The following PLA2G4A variants were observed in gnomAD, a reference collection of about 807,000 sequenced individuals.
PLA2G4A encodes phospholipase A2 group IVA.
In PLA2G4A, 40 loss-of-function variants were observed where a neutral mutation model predicts 81.9. The observed-to-expected ratio is 0.49, with a 90% confidence interval of 0.38 to 0.64. The LOEUF (loss-of-function observed/expected upper bound fraction) is 0.64. Ranked by LOEUF, PLA2G4A falls within the 30% of genes least tolerant of loss-of-function variation. The pLI is 0.00. For missense variants in PLA2G4A, 715 were observed against 905.1 expected (o/e 0.79, Z 2.69); for synonymous variants, 302 against 296.9 (o/e 1.02, Z -0.18).
At chr1:186,988,285 A>C in intron 17 of PLA2G4A, 92 bp from the exon 18 acceptor site, 1 of 987,356 alleles carries the variant, frequency 1.0e-6, no homozygotes, top group Non-Finnish European at 1.5e-6. Context: ...GAATACTCTA[A>C]TAAAAAGATT....
At chr1:186,839,965 C>CT (rs61704569) in intron 1 of PLA2G4A, among the ~76,000 whole-genome samples, 848 of 75,060 alleles carry the variant, frequency 0.011, 97 homozygotes, top group Non-Finnish European at 0.015. Flanking sequence ...TAATTGACTT[C>CT]TTTTTTTTTT....
intron 5 of PLA2G4A, among the ~76,000 whole-genome samples, chr1:186,897,298 C>A (rs1319404523): frequency 6.6e-6 from 1 of 151,980 alleles, no homozygotes; most frequent in Non-Finnish European, 1.5e-5. Context: ...CACTTGGAGT[C>A]GAAACTGGGA....
At chr1:186,917,306 A>G (rs1040196962) in intron 7 of PLA2G4A, among the ~76,000 whole-genome samples, 20 of 152,190 alleles carry the variant, frequency 1.3e-4, no homozygotes, top group Admixed American at 2.0e-4. Context: ...CTGTAATTCA[A>G]TTCACCTAAC....
intron 13 of PLA2G4A, 133 bp downstream of exon 13, chr1:186,950,861 G>A (rs969357): frequency 0.95 from 654,525 of 688,316 alleles, 311,414 homozygotes; most frequent in East Asian, 1. Context: ...GTAGCTTTCT[G>A]TTGAGAGAGA....
chr1:186,919,942 C>T (rs552492398), intron 7 of PLA2G4A, among the ~76,000 whole-genome samples: 1 of 152,240 alleles, frequency 6.6e-6, no homozygotes, highest in South Asian at 2.1e-4. Flanking sequence ...GGCTTTCAAG[C>T]ACCTGCGATG....
chr1:186,923,112 T>TGAG (rs1170988804), intron 7 of PLA2G4A, among the ~76,000 whole-genome samples: 6 of 152,206 alleles, frequency 3.9e-5, no homozygotes, highest in African/African-American at 1.4e-4. Context: ...TAAGACAATA[T>TGAG]GAGGAGTGGT....
chr1:186,876,209 T>C (rs1423979331), intron 3 of PLA2G4A, among the ~76,000 whole-genome samples: 13 of 152,174 alleles, frequency 8.5e-5, no homozygotes. Flanking sequence ...TATGAAAGTT[T>C]TTTTAACGGT....
chr1:186,866,283 T>C (rs534548908), intron 2 of PLA2G4A, among the ~76,000 whole-genome samples: 1 of 152,264 alleles, frequency 6.6e-6, no homozygotes, highest in East Asian at 1.9e-4. Flanking sequence ...TGAACATCTT[T>C]CTCCAAGAAT....
rs1278275888 is a variant in PLA2G4A at position 186,857,089 on chromosome 1, A to C, written c.33+2702A>C. 1.8e-3 allele frequency among the ~76,000 whole-genome samples: 17 copies of C among 9,316 alleles called. 2 individuals are homozygous for C. The highest frequency in any genetic ancestry group is 3.6e-3 in the African/African-American group (5 of 1,372). The allele number at this position is 9,316 out of a possible 152,430, so 6.1% of individuals were successfully genotyped here. A position where few individuals can be genotyped will look rare whatever the true frequency, so the allele number is the denominator to read the frequency against. On this transcript the variant is annotated intron_variant, in intron 2 of 17. Coordinates refer to ENST00000367466, the MANE Select transcript of PLA2G4A (RefSeq NM_024420.3). ...GCCCCCACATATATTATACATATAT[A>C]ATATATAATATAATTATATAATTAT... is the stretch of plus-strand genomic sequence containing the variant.
chr1:186,892,043 T>A (rs1654161866), intron 3 of PLA2G4A, among the ~76,000 whole-genome samples: 1 of 152,202 alleles, frequency 6.6e-6, no homozygotes. Flanking sequence ...TTATGATTAA[T>A]GATGTTCAGC....
At chr1:186,987,433 G>T (rs1211509907) in intron 17 of PLA2G4A, among the ~76,000 whole-genome samples, 2 of 152,254 alleles carry the variant, frequency 1.3e-5, no homozygotes, top group Non-Finnish European at 2.9e-5. Context: ...AGAATAAAAG[G>T]AATTGTGGAA....
chr1:186,833,122 A>G (rs1430748481), intron 1 of PLA2G4A, among the ~76,000 whole-genome samples: 2 of 152,150 alleles, frequency 1.3e-5, no homozygotes, highest in East Asian at 3.8e-4. Flanking sequence ...CAAGTTTTGT[A>G]AGGCTGGGTG....
At chr1:186,880,982 C>T (rs1415648252) in intron 3 of PLA2G4A, among the ~76,000 whole-genome samples, 1 of 152,028 alleles carries the variant, frequency 6.6e-6, no homozygotes, top group Non-Finnish European at 1.5e-5. Context: ...TCCCCATTTT[C>T]CCATGAATAT....
intron 5 of PLA2G4A, among the ~76,000 whole-genome samples, chr1:186,902,879 C>CAAAAAAAAAAAAAAAAAA (rs72003812): frequency 1.0e-5 from 1 of 99,460 alleles, no homozygotes; most frequent in African/African-American, 3.9e-5. Context: ...CTTTATTGCT[C>CAAAAAAAAAAAAAAAAAA]AAAAAAAAAA....
At chr1:186,944,826 T>A (rs1656280126) in intron 10 of PLA2G4A, among the ~76,000 whole-genome samples, 1 of 152,150 alleles carries the variant, frequency 6.6e-6, no homozygotes, top group Non-Finnish European at 1.5e-5. Context: ...TTATAATCAG[T>A]GATATTTCTC....
intron 3 of PLA2G4A, among the ~76,000 whole-genome samples, chr1:186,889,690 TTG>T (rs1491499870): frequency 1.3e-5 from 2 of 152,128 alleles, no homozygotes; most frequent in East Asian, 3.9e-4. Flanking sequence ...TTAAATTTTT[TTG>T]GGGGGGAAAC....
At chr1:186,957,941 T>C (rs1292310649) in intron 14 of PLA2G4A, among the ~76,000 whole-genome samples, 2 of 152,240 alleles carry the variant, frequency 1.3e-5, no homozygotes, top group Non-Finnish European at 2.9e-5. Context: ...TTAGATGCAG[T>C]AAAAACTTAA....
intron 13 of PLA2G4A, among the ~76,000 whole-genome samples, chr1:186,952,835 G>A (rs966727865): frequency 1.3e-5 from 2 of 152,064 alleles, no homozygotes; most frequent in East Asian, 1.9e-4. Context: ...CTTTCACTTA[G>A]TAGTGTGCAT....
chr1:186,877,886 T>C (rs1333550644), intron 3 of PLA2G4A, among the ~76,000 whole-genome samples: 1 of 150,766 alleles, frequency 6.6e-6, no homozygotes, highest in African/African-American at 2.4e-5. Flanking sequence ...AATTTTATAC[T>C]TCACTTTTTA....
Sources: gnomAD v4.1 joint callset for allele counts (sites outside exome capture counted in the v4.1 genomes callset) on GRCh38, gnomAD v4.1.1 for gene constraint, MANE v1.5 for transcripts, NCBI Gene and HGNC (gene_info 2026-07-23, HGNC 2026-07-21) for gene names.